The following POLG variants were observed in gnomAD, a reference collection of about 807,000 sequenced individuals.
POLG encodes the protein DNA polymerase gamma, catalytic subunit, also known as DNA polymerase subunit gamma-1.
POLG carries 110 observed loss-of-function variants against 155.4 expected under a neutral mutation model. The ratio of observed to expected loss-of-function variants is 0.71; its 90% CI spans 0.61 to 0.83. POLG has a LOEUF of 0.83. Ranked by LOEUF, POLG falls within the 40% of genes least tolerant of loss-of-function variation. POLG has a pLI of 0.00. For synonymous variants in POLG, 701 were observed against 631.5 expected, an observed-to-expected ratio of 1.11 and a Z score of -1.65; for missense variants, 1,685 against 1,627.5, an observed-to-expected ratio of 1.04 and a Z score of -0.61.
At chr15:89,321,091 G>A in intron 17 of POLG, 34 bp downstream of exon 17, 1 of 1,524,758 alleles carries the variant, frequency 6.6e-7, no homozygotes, top group Non-Finnish European at 9.0e-7. Context: ...ATATGCTGAG[G>A]GGCTGGGCTG....
intron 22 of POLG, chr15:89,317,069 T>C (rs941078547): frequency 1.7e-6 from 1 of 590,984 alleles, no homozygotes; most frequent in East Asian, 2.9e-5. Flanking sequence ...AAGCACAGTT[T>C]GTTTTTCTGT....
rs1187944784 is a variant in POLG at position 89,325,061 on chromosome 15, T to TGAGTGAGTGAGAGAGTGAGTGAGTGAGA, written c.1949+388_1949+389insTCTCACTCACTCACTCTCTCACTCACTC. ...GAGAGTGAGTGAGTGAGTGAGAGAG[T>TGAGTGAGTGAGAGAGTGAGTGAGTGAGA]GAGTGAGTGAGTGAGTGAGTGAGAG... On this transcript the variant is annotated intron_variant, in intron 10 of 22. Coordinates refer to ENST00000268124, the MANE Select transcript of POLG (RefSeq NM_002693.3). Among the ~76,000 whole-genome samples the TGAGTGAGTGAGAGAGTGAGTGAGTGAGA allele has an allele frequency of 8.6e-5, 6 of 70,126 alleles. 3 individuals carry two copies. Among genetic ancestry groups the TGAGTGAGTGAGAGAGTGAGTGAGTGAGA allele is most frequent in the African/African-American group, 4.0e-4 (6 of 15,156 alleles). 46.0% of individuals were successfully genotyped at this position (70,126 alleles called of 152,430 possible).
At chr15:89,322,706 G>C in intron 14 of POLG, 36 bp downstream of exon 14, 1 of 1,607,710 alleles carries the variant, frequency 6.2e-7, no homozygotes, top group African/African-American at 1.3e-5. Flanking sequence ...GAAGAGAGGG[G>C]AAAGGCATCC....
At chr15:89,319,142 C>A in intron 19 of POLG, 43 bp from the exon 20 acceptor site, 1 of 1,614,160 alleles carries the variant, frequency 6.2e-7, no homozygotes. Context: ...CTTTCAGCAT[C>A]TCAAAGCTAA....
In POLG at chr15:89,330,199, G is replaced by A; in HGVS notation, c.737C>T (p.Pro246Leu). 1 of 1,613,332 alleles carries A rather than the reference G, an allele frequency of 6.2e-7. No individual in the cohort carries two copies. The highest frequency in any genetic ancestry group is 8.5e-7 in the Non-Finnish European group (1 of 1,179,590). ...TSQLSPADLIPLEVPTGASSP... is the reference protein window; with the variant it reads ...TSQLSPADLILLEVPTGASSP... ...GCTGGCACCAGTAGGGACCTCCAGGGGGATGAGGTCAGCCGGCGACAGCTG... is the reference window on the plus strand; with the variant it reads ...GCTGGCACCAGTAGGGACCTCCAGGAGGATGAGGTCAGCCGGCGACAGCTG... The change falls in exon 3 of 23, where the codon CCC (proline) becomes CTC (leucine). Residue 246 changes from proline to leucine, a missense_variant. By Grantham distance (98) the Pro-to-Leu change is moderately conservative. This residue lies in a region of POLG where 1,210 missense variants were observed against 1,167.1 expected (regional missense o/e 1.04). Transcript: ENST00000268124.
chr15:89,331,589 T>C (rs1238588516), intron 2 of POLG, among the ~76,000 whole-genome samples: 1 of 152,240 alleles, frequency 6.6e-6, no homozygotes, highest in Non-Finnish European at 1.5e-5. Flanking sequence ...CCCTCTAGCC[T>C]GATGGCCGAA....
Position 89,316,629 on chromosome 15 carries a change from C to T in POLG, c.*122G>A, listed in dbSNP as rs886051517. 128 of 1,144,802 alleles carry T rather than the reference C, an allele frequency of 1.1e-4. No homozygotes were observed. Among genetic ancestry groups the T allele is most frequent in the Non-Finnish European group, 1.6e-4 (120 of 763,040 alleles). 70.9% of individuals were successfully genotyped at this position (1,144,802 alleles called of 1,614,324 possible). A position where few individuals can be genotyped will look rare whatever the true frequency, so the allele number is the denominator to read the frequency against. On this transcript the variant is annotated 3_prime_UTR_variant, in exon 23 of 23. Coordinates refer to ENST00000268124, the MANE Select transcript of POLG (RefSeq NM_002693.3). The stretch of plus-strand genomic sequence containing the variant: ...GGAATCTTCTTGGCAGGTCCTGCTA[C>T]TGAAAAATGGCTGGCCTTAGGCAAG...
At chr15:89,332,234 T>C (rs1335777192) in intron 2 of POLG, 3 of 152,252 alleles carry the variant, frequency 2.0e-5, no homozygotes, top group Non-Finnish European at 4.4e-5. Context: ...TATTTAGCCA[T>C]GTTTTCACCA....
At chr15:89,329,186 G>A in intron 3 of POLG, 76 bp from the exon 4 acceptor site, 1 of 1,316,078 alleles carries the variant, frequency 7.6e-7, no homozygotes, top group South Asian at 1.2e-5. Context: ...CTGCTTGGTG[G>A]TGTGGACCTC....
chr15:89,322,490 C>G (rs2055410696), intron 14 of POLG, among the ~76,000 whole-genome samples: 1 of 152,244 alleles, frequency 6.6e-6, no homozygotes, highest in Non-Finnish European at 1.5e-5. Context: ...ACGGCTCCAG[C>G]AGTTACACCA....
In POLG at chr15:89,325,089, TGAGTGAGTGAGA is replaced by T. The variant is rs2055465411; in HGVS notation, c.1949+349_1949+360del. Among the ~76,000 whole-genome samples, 4 of 41,244 alleles carry T rather than the reference TGAGTGAGTGAGA, an allele frequency of 9.7e-5. 2 individuals carry two copies. Among genetic ancestry groups the T allele is most frequent in the South Asian group, 1.6e-3 (2 of 1,278 alleles). 27.1% of individuals were successfully genotyped at this position (41,244 alleles called of 152,430 possible). ...GTGAGTGAGTGAGTGAGTGAGAGAG[TGAGTGAGTGAGA>T]GAGTGAGAGAGAGTGAGTGAGTGAG... is the stretch of plus-strand genomic sequence containing the variant. On this transcript the variant is annotated intron_variant, in intron 10 of 22. Coordinates refer to ENST00000268124, the MANE Select transcript of POLG (RefSeq NM_002693.3).
chr15:89,317,878 G>A (rs940799111), intron 21 of POLG: 5 of 370,706 alleles, frequency 1.3e-5, no homozygotes, highest in Non-Finnish European at 2.6e-5. Flanking sequence ...TAACCTCCCG[G>A]AGATGATGAT....
intron 16 of POLG, 105 bp downstream of exon 16, chr15:89,321,631 G>T: frequency 1.1e-6 from 1 of 872,538 alleles, no homozygotes; most frequent in Non-Finnish European, 2.0e-6. Flanking sequence ...CCAGATCACA[G>T]GGTCCTTTTC....
rs186543726 is a variant in POLG at position 89,316,723 on chromosome 15, G to A, written c.*28C>T. 4 of 1,581,966 alleles carry A rather than the reference G, an allele frequency of 2.5e-6. No homozygotes were observed. Among genetic ancestry groups the A allele is most frequent in the South Asian group, 1.1e-5 (1 of 90,486 alleles). On this transcript the variant is annotated 3_prime_UTR_variant, in exon 23 of 23. Transcript: ENST00000268124. ...TGCACCACCCCGATGAAGCTCCACG[G>A]GAGCAAATACAGAGCCTCCAGGCAG...
Position 89,318,526 on chromosome 15 carries a change from A to G in POLG, c.3482+15T>C, listed in dbSNP as rs1171976544. The G allele has an allele frequency of 2.3e-5, 37 of 1,610,494 alleles. No homozygotes were observed. Among genetic ancestry groups the G allele is most frequent in the Non-Finnish European group, 3.1e-5 (37 of 1,178,222 alleles). ...GGAGCACATGGCCAGGCTAGAGGCCATGGGCCCCGCATACCTGGTCAAGAG... is the reference window on the plus strand; with the variant it reads ...GGAGCACATGGCCAGGCTAGAGGCCGTGGGCCCCGCATACCTGGTCAAGAG... On this transcript the variant is annotated intron_variant, in intron 21 of 22. Transcript: ENST00000268124.
In POLG at chr15:89,322,728, C is replaced by A; in HGVS notation, c.2426+14G>T. The A allele has an allele frequency of 6.2e-7, 1 of 1,613,632 alleles. No homozygotes were observed. Among genetic ancestry groups the A allele is most frequent in the South Asian group, 1.1e-5 (1 of 90,988 alleles). On this transcript the variant is annotated intron_variant, in intron 14 of 22. Transcript: ENST00000268124. ...GGGGAAAGGCATCCCAGGACTCCTC[C>A]CATGGTGGCCCACCTGATACGTTTA...
Position 89,333,656 on chromosome 15 carries a change from G to A in POLG, c.99C>T (p.Ser33=). ...GCCGCCGCTGCCCGTCGCTGGGGTC[G>A]GACGCGGGGACGGAGCTGGAGACCC... ...GRWVSSSVPA[S]DPSDGQRRRQ... The change falls in exon 2 of 23, where the codon TCC becomes TCT. Residue 33 remains serine, a synonymous_variant. Coordinates refer to ENST00000268124, the MANE Select transcript of POLG (RefSeq NM_002693.3). 6.4e-7 allele frequency: 1 copy of A among 1,569,598 alleles called. No individual in the cohort carries two copies. Among genetic ancestry groups the A allele is most frequent in the Non-Finnish European group, 8.6e-7 (1 of 1,162,482 alleles).
chr15:89,317,093 C>T (rs932808252), intron 22 of POLG: 9 of 590,094 alleles, frequency 1.5e-5, no homozygotes, highest in Non-Finnish European at 2.4e-5. Context: ...CTATAGAGTG[C>T]AAGAATGCAC....
chr15:89,316,381 T>C lies in POLG; in HGVS notation c.*370A>G. ...CAGGTTTATCACGTTAGAGCATTAA[T>C]TCTTTCCCCTTCTAGGGCACTGCAT... On this transcript the variant is annotated 3_prime_UTR_variant, in exon 23 of 23. Transcript: ENST00000268124. 6.2e-7 allele frequency: 1 copy of C among 1,608,738 alleles called. No homozygotes were observed. The highest frequency in any genetic ancestry group is 8.5e-7 in the Non-Finnish European group (1 of 1,176,874).
Sources: gnomAD v4.1 joint callset for allele counts (sites outside exome capture counted in the v4.1 genomes callset) on GRCh38, gnomAD v4.1.1 for gene constraint, gnomAD v4.1.1 regional missense constraint, MANE v1.5 for transcripts, NCBI Gene and HGNC (gene_info 2026-07-23, HGNC 2026-07-21) for gene names.